Variants in PTPN12 observed in about 807,000 individuals in gnomAD.
PTPN12 encodes protein tyrosine phosphatase non-receptor type 12, also known as tyrosine-protein phosphatase non-receptor type 12.
A neutral mutation model predicts 97.6 loss-of-function variants in PTPN12; 29 were observed. The ratio of observed to expected loss-of-function variants is 0.30; its 90% CI spans 0.22 to 0.41. The LOEUF is 0.41. Ranked by LOEUF, PTPN12 falls within the 10% of genes least tolerant of loss-of-function variation. The pLI, the probability that PTPN12 is intolerant of heterozygous loss-of-function variation, is 1.00. For missense variants in PTPN12, 819 were observed against 926.0 expected (o/e 0.88, Z 1.50); for synonymous variants, 327 against 300.4 (o/e 1.09, Z -0.91).
rs752593324 is a variant in PTPN12 at position 77,627,528 on chromosome 7, G to A, written c.1849G>A (p.Val617Met). The A allele has an allele frequency of 1.9e-6, 3 of 1,614,096 alleles. No homozygotes were observed. The Admixed American group carries it at 5.0e-5, about 27-fold the overall frequency. Residue 617 changes from valine (V) to methionine (M), a missense_variant, in exon 13 of 18, where the codon GTG (valine) becomes ATG (methionine). Physicochemically the swap from Val to Met is conservative, Grantham distance 21. Coordinates refer to ENST00000248594, the MANE Select transcript of PTPN12 (RefSeq NM_002835.4). ...DSDERNSDGA[V>M]TQNKTNISTA... Reference sequence around the variant, plus strand: ...AGATGAAAGAAACTCTGATGGTGCTGTGACCCAGAATAAAACTAATATTTC... The same window carrying A: ...AGATGAAAGAAACTCTGATGGTGCTATGACCCAGAATAAAACTAATATTTC...
intron 12 of PTPN12, among the ~76,000 whole-genome samples, chr7:77,619,936 A>T (rs747151984): frequency 1.3e-5 from 2 of 152,216 alleles, no homozygotes; most frequent in Non-Finnish European, 2.9e-5. Context: ...TTCGATTTCC[A>T]CTTTGGTATC....
intron 1 of PTPN12, among the ~76,000 whole-genome samples, chr7:77,558,924 A>G (rs1362895605): frequency 6.6e-6 from 1 of 152,206 alleles, no homozygotes; most frequent in East Asian, 1.9e-4. Context: ...TGAGGCAGGC[A>G]GATAACTTGA....
intron 14 of PTPN12, among the ~76,000 whole-genome samples, chr7:77,632,838 T>C (rs1400538815): frequency 2.0e-5 from 3 of 152,142 alleles, no homozygotes; most frequent in Non-Finnish European, 4.4e-5. Flanking sequence ...ACACCTATAA[T>C]CTCAGCTACT....
intron 12 of PTPN12, among the ~76,000 whole-genome samples, chr7:77,625,476 T>G (rs74733985): frequency 0.25 from 6,835 of 27,142 alleles, 775 homozygotes; most frequent in East Asian, 0.45. Context: ...CTGCTCGCTC[T>G]CTCTCTCTCT....
chr7:77,556,078 TGA>T, intron 1 of PTPN12, among the ~76,000 whole-genome samples: 1 of 151,924 alleles, frequency 6.6e-6, no homozygotes, highest in African/African-American at 2.4e-5. Context: ...TTTGTTTGTG[TGA>T]AACAGGGTTT....
At chr7:77,584,485 A>C (rs1449675764) in intron 4 of PTPN12, among the ~76,000 whole-genome samples, 1 of 152,188 alleles carries the variant, frequency 6.6e-6, no homozygotes, top group Non-Finnish European at 1.5e-5. Context: ...AGATGTGTGT[A>C]TTTGTCCAAA....
chr7:77,616,496 TC>T (rs1381546956), intron 11 of PTPN12, among the ~76,000 whole-genome samples: 1 of 152,210 alleles, frequency 6.6e-6, no homozygotes, highest in Non-Finnish European at 1.5e-5. Context: ...TACCTGCAGT[TC>T]CAAAATCCAA....
At chr7:77,636,705 A>T (rs1015860512) in intron 15 of PTPN12, 11 of 202,116 alleles carry the variant, frequency 5.4e-5, no homozygotes, top group Admixed American at 1.7e-4. Context: ...TTAAGACATG[A>T]TGTAGTTTAA....
chr7:77,618,455 A>C (rs753738275), intron 11 of PTPN12, 25 bp from the exon 12 acceptor site: 5 of 1,432,214 alleles, frequency 3.5e-6, no homozygotes, highest in Non-Finnish European at 4.8e-6. Context: ...TCTTAACCTT[A>C]GTGAAGTATT....
At chr7:77,599,717 A>C (rs778030997) in intron 7 of PTPN12, among the ~76,000 whole-genome samples, 1 of 152,130 alleles carries the variant, frequency 6.6e-6, no homozygotes, top group South Asian at 2.1e-4. Context: ...TGTTGCACAT[A>C]GATGAAGATA....
chr7:77,594,389 A>G (rs1375017391), intron 6 of PTPN12, among the ~76,000 whole-genome samples: 1 of 152,224 alleles, frequency 6.6e-6, no homozygotes, highest in Non-Finnish European at 1.5e-5. Context: ...CAGTGGGGAA[A>G]TACCAACCCT....
intron 12 of PTPN12, among the ~76,000 whole-genome samples, chr7:77,622,771 CA>C (rs796092829): frequency 2.1e-5 from 3 of 141,650 alleles, no homozygotes; most frequent in Admixed American, 7.2e-5. Flanking sequence ...ACTCTTGTCT[CA>C]AAAAAAAAGA....
chr7:77,588,456 A>G (rs1207912516), intron 5 of PTPN12, among the ~76,000 whole-genome samples: 1 of 152,216 alleles, frequency 6.6e-6, no homozygotes, highest in East Asian at 1.9e-4. Context: ...GTAGCACCCC[A>G]AAACAGAGTA....
At chr7:77,625,601 G>C in intron 12 of PTPN12, among the ~76,000 whole-genome samples, 1 of 82,260 alleles carries the variant, frequency 1.2e-5, no homozygotes, top group Admixed American at 2.0e-4. Flanking sequence ...AGACAGTCTT[G>C]CTCTGTCGCC....
chr7:77,560,219 C>G (rs1807935427), intron 1 of PTPN12, among the ~76,000 whole-genome samples: 1 of 152,104 alleles, frequency 6.6e-6, no homozygotes, highest in South Asian at 2.1e-4. Context: ...ATGAATAGGT[C>G]AGAACTTTCT....
At chr7:77,547,600 G>A (rs1017948349) in intron 1 of PTPN12, among the ~76,000 whole-genome samples, 2 of 152,158 alleles carry the variant, frequency 1.3e-5, no homozygotes, top group Non-Finnish European at 2.9e-5. Context: ...GATAATATAT[G>A]TAAAGTTTCT....
Position 77,638,627 on chromosome 7 carries a change from A to G in PTPN12, c.2177A>G (p.His726Arg). Residue 726 changes from histidine (H) to arginine (R), a missense_variant, in exon 17 of 18, where the codon CAT becomes CGT. By Grantham distance (29) the His-to-Arg change is conservative. Around this residue, in one of 5 missense-constraint regions of PTPN12, gnomAD observed 607 missense variants for 577.3 expected, o/e 1.05. Coordinates refer to ENST00000248594, the MANE Select transcript of PTPN12 (RefSeq NM_002835.4). ...LITSENEKCD[H>R]PAGGIHYEMC... ...AAGGCTTTGTGTTGCTACTTAGATC[A>G]TCCAGCGGGAGGTATTCACTATGAA... is the stretch of plus-strand genomic sequence containing the variant. 1.3e-6 allele frequency: 2 copies of G among 1,590,408 alleles called. No individual in the cohort carries two copies. Among genetic ancestry groups the G allele is most frequent in the Non-Finnish European group, 1.7e-6 (2 of 1,171,320 alleles).
At chr7:77,625,461 C>T (rs1215261262) in intron 12 of PTPN12, among the ~76,000 whole-genome samples, 1 of 134,944 alleles carries the variant, frequency 7.4e-6, no homozygotes, top group Non-Finnish European at 1.6e-5. Flanking sequence ...GCCATATTGC[C>T]CAGGCTGCTC....
chr7:77,562,219 A>C (rs1331096007), intron 1 of PTPN12, among the ~76,000 whole-genome samples: 4 of 151,914 alleles, frequency 2.6e-5, no homozygotes, highest in African/African-American at 9.7e-5. Context: ...ACGCCCAGCT[A>C]ATTTTTGTAT....
Sources: allele counts gnomAD v4.1 joint callset (sites outside exome capture counted in the v4.1 genomes callset), GRCh38; gene constraint gnomAD v4.1.1; regional missense constraint gnomAD v4.1.1; transcripts MANE v1.5; gene names NCBI Gene and HGNC (gene_info 2026-07-23, HGNC 2026-07-21).